Variants in ZCWPW2 observed in about 807,000 individuals in gnomAD.
The protein encoded by ZCWPW2 is zinc finger CW-type PWWP domain protein 2.
ZCWPW2 carries 45 observed loss-of-function variants against 46.6 expected under a neutral mutation model. That is an observed-to-expected ratio of 0.96 (90% CI 0.76 to 1.24). The LOEUF (loss-of-function observed/expected upper bound fraction) is 1.24. ZCWPW2 is among the 50% of genes most tolerant of loss of function. The pLI, the probability that ZCWPW2 is intolerant of heterozygous loss-of-function variation, is 0.00. For missense variants in ZCWPW2, 429 were observed against 403.9 expected, an observed-to-expected ratio of 1.06 and a Z score of -0.53; for synonymous variants, 152 against 137.1, an observed-to-expected ratio of 1.11 and a Z score of -0.76.
intron 4 of ZCWPW2, among the ~76,000 whole-genome samples, chr3:28,448,416 G>A (rs1366859140): frequency 1.3e-5 from 2 of 152,034 alleles, no homozygotes; most frequent in Admixed American, 6.6e-5. Context: ...CAAAACATTG[G>A]TGAACAAAGT....
intron 8 of ZCWPW2, among the ~76,000 whole-genome samples, chr3:28,518,695 A>T (rs1296025259): frequency 6.6e-6 from 1 of 152,222 alleles, no homozygotes; most frequent in Non-Finnish European, 1.5e-5. Context: ...TTAGCCTGAC[A>T]TTAGAAATAT....
At chr3:28,355,910 A>T (rs1704713657) in intron 1 of ZCWPW2, among the ~76,000 whole-genome samples, 1 of 152,256 alleles carries the variant, frequency 6.6e-6, no homozygotes, top group African/African-American at 2.4e-5. Flanking sequence ...AAGAAAACCT[A>T]GGCAATACCA....
intron 4 of ZCWPW2, among the ~76,000 whole-genome samples, chr3:28,468,209 T>C (rs1055730719): frequency 2.0e-5 from 3 of 151,774 alleles, no homozygotes; most frequent in Non-Finnish European, 4.4e-5. Flanking sequence ...AATAGCAGAA[T>C]TGATCAAGCA....
At chr3:28,480,442 C>T (rs1699388202) in intron 5 of ZCWPW2, among the ~76,000 whole-genome samples, 1 of 150,686 alleles carries the variant, frequency 6.6e-6, no homozygotes, top group Non-Finnish European at 1.5e-5. Flanking sequence ...TTTAAGTTCC[C>T]TATAGATGGT....
chr3:28,357,388 T>C (rs1361474300), intron 1 of ZCWPW2, among the ~76,000 whole-genome samples: 1 of 152,222 alleles, frequency 6.6e-6, no homozygotes, highest in Admixed American at 6.5e-5. Flanking sequence ...TCAACTTGAA[T>C]GTGTGCCGTG....
intron 1 of ZCWPW2, among the ~76,000 whole-genome samples, chr3:28,386,910 C>CA (rs1695294214): frequency 6.6e-6 from 1 of 151,938 alleles, no homozygotes; most frequent in Non-Finnish European, 1.5e-5. Flanking sequence ...AGTTTTTCTC[C>CA]AAAAAGGAGA....
intron 4 of ZCWPW2, among the ~76,000 whole-genome samples, chr3:28,442,837 T>C (rs1697821767): frequency 1.3e-5 from 2 of 152,206 alleles, no homozygotes; most frequent in African/African-American, 4.8e-5. Context: ...TCACCACCCC[T>C]GTGTCCTTCA....
chr3:28,413,420 A>C lies in ZCWPW2; in HGVS notation c.332+20A>C, dbSNP rs1696489376. ...GCCAAGGTAAGGTTTGTGTAGTTTT[A>C]TGACTTTTGAAATGTAGTCTTGCTA... On this transcript the variant is annotated intron_variant, in intron 3 of 9. Coordinates refer to ENST00000383768, the MANE Select transcript of ZCWPW2 (RefSeq NM_001040432.4). 1.3e-6 allele frequency: 2 copies of C among 1,569,112 alleles called. No homozygotes were observed. Among genetic ancestry groups the C allele is most frequent in the South Asian group, 1.2e-5 (1 of 85,578 alleles).
chr3:28,396,598 A>T (rs1695709248), intron 2 of ZCWPW2, among the ~76,000 whole-genome samples: 1 of 152,208 alleles, frequency 6.6e-6, no homozygotes, highest in Admixed American at 6.5e-5. Flanking sequence ...GACAGTGGTG[A>T]TACAGATACT....
intron 1 of ZCWPW2, among the ~76,000 whole-genome samples, chr3:28,382,062 T>G (rs1695125056): frequency 6.7e-6 from 1 of 148,316 alleles, no homozygotes; most frequent in African/African-American, 2.5e-5. Context: ...CTCGGGAGGC[T>G]GAGGCGGGAG....
At chr3:28,466,291 AT>A (rs1698820716) in intron 4 of ZCWPW2, among the ~76,000 whole-genome samples, 1 of 152,196 alleles carries the variant, frequency 6.6e-6, no homozygotes, top group South Asian at 2.1e-4. Flanking sequence ...ATAACACACA[AT>A]TTACCCATGT....
intron 6 of ZCWPW2, among the ~76,000 whole-genome samples, chr3:28,496,004 A>C (rs987915406): frequency 2.0e-5 from 3 of 152,096 alleles, no homozygotes; most frequent in African/African-American, 7.2e-5. Context: ...TATTGAGTTA[A>C]TACAAAATAA....
At chr3:28,431,247 G>A (rs1274449691) in intron 3 of ZCWPW2, among the ~76,000 whole-genome samples, 2 of 151,966 alleles carry the variant, frequency 1.3e-5, no homozygotes, top group African/African-American at 4.8e-5. Context: ...CCTCCTCTCA[G>A]TTGTACCAAA....
chr3:28,378,004 CTT>C (rs1347158640), intron 1 of ZCWPW2, among the ~76,000 whole-genome samples: 1 of 151,976 alleles, frequency 6.6e-6, no homozygotes, highest in Non-Finnish European at 1.5e-5. Context: ...TCATGTCTGA[CTT>C]TGGATGAAAC....
At chr3:28,378,693 C>T (rs1705578180) in intron 1 of ZCWPW2, among the ~76,000 whole-genome samples, 2 of 152,098 alleles carry the variant, frequency 1.3e-5, no homozygotes, top group African/African-American at 4.8e-5. Context: ...TTTTGAATAT[C>T]AGCACTGCCT....
intron 4 of ZCWPW2, among the ~76,000 whole-genome samples, chr3:28,469,795 C>G (rs1364366480): frequency 6.6e-6 from 1 of 151,656 alleles, no homozygotes; most frequent in Non-Finnish European, 1.5e-5. Flanking sequence ...ATTATTAAAG[C>G]TAAAGAGATA....
At chr3:28,478,719 T>A (rs917394563) in intron 4 of ZCWPW2, 95 bp from the exon 5 acceptor site, 2 of 535,632 alleles carry the variant, frequency 3.7e-6, no homozygotes, top group Non-Finnish European at 3.1e-6. Flanking sequence ...TATACAATGC[T>A]CCAAATTAGA....
intron 1 of ZCWPW2, among the ~76,000 whole-genome samples, chr3:28,378,078 G>T (rs1189143720): frequency 6.6e-6 from 1 of 152,012 alleles, no homozygotes; most frequent in Admixed American, 6.6e-5. Flanking sequence ...AGCTATGCCA[G>T]AAATTATCCA....
At chr3:28,351,251 A>AT (rs1553627089) in intron 1 of ZCWPW2, among the ~76,000 whole-genome samples, 2 of 148,694 alleles carry the variant, frequency 1.3e-5, no homozygotes, top group Non-Finnish European at 3.0e-5. Flanking sequence ...TTATATAAAA[A>AT]ATATATATAT....
Sources: gnomAD v4.1 joint callset for allele counts (sites outside exome capture counted in the v4.1 genomes callset) on GRCh38, gnomAD v4.1.1 for gene constraint, MANE v1.5 for transcripts, NCBI Gene and HGNC (gene_info 2026-07-23, HGNC 2026-07-21) for gene names.